Variants in ACACA observed in about 807,000 individuals in gnomAD.
ACACA encodes the protein acetyl-CoA carboxylase alpha, also known as acetyl-CoA carboxylase 1.
A neutral mutation model predicts 296.1 loss-of-function variants in ACACA; 103 were observed. That is an observed-to-expected ratio of 0.35 (90% CI 0.30 to 0.41). The LOEUF (loss-of-function observed/expected upper bound fraction) is 0.41, where lower values mean the gene tolerates loss of function less well. Among genes scored for constraint, ACACA ranks in the 10% least tolerant of loss-of-function variants. ACACA has a pLI of 1.00. For synonymous variants in ACACA, 953 were observed against 1,038.6 expected (o/e 0.92, Z 1.58); for missense variants, 1,554 against 2,989.7 (o/e 0.52, Z 11.20).
Position 37,210,430 on chromosome 17 carries a change from G to T in ACACA, c.3707+37C>A, listed in dbSNP as rs1336381689. On this transcript the variant is annotated intron_variant, in intron 30 of 55. Transcript: ENST00000616317. The stretch of plus-strand genomic sequence containing the variant: ...TTTCACTATTCTAAGTTACATAAAG[G>T]TGCTTTTAATTGGAAAAGAAACTAA... 3 of 1,593,094 alleles carry T rather than the reference G, an allele frequency of 1.9e-6. No individual in the cohort carries two copies. The African/African-American group carries it at 4.0e-5, about 21-fold the overall frequency.
At chr17:37,138,969 AT>A (rs1199760701) in intron 45 of ACACA, among the ~76,000 whole-genome samples, 2 of 151,992 alleles carry the variant, frequency 1.3e-5, no homozygotes, top group South Asian at 4.2e-4. Context: ...GAGTACGGGA[AT>A]TTTTTTACAA....
At chr17:37,156,265 G>A (rs955214379) in intron 42 of ACACA, among the ~76,000 whole-genome samples, 3 of 151,698 alleles carry the variant, frequency 2.0e-5, no homozygotes, top group Non-Finnish European at 4.4e-5. Flanking sequence ...GGGTTTCACC[G>A]TGTTAGCCAG....
chr17:37,102,712 G>T (rs1475933538), intron 52 of ACACA, among the ~76,000 whole-genome samples: 1 of 152,250 alleles, frequency 6.6e-6, no homozygotes, highest in Non-Finnish European at 1.5e-5. Context: ...GAGCAGCTAC[G>T]GGCTGAGGAC....
At chr17:37,326,902 G>A (rs768842411) in intron 3 of ACACA, among the ~76,000 whole-genome samples, 1 of 152,004 alleles carries the variant, frequency 6.6e-6, no homozygotes, top group Non-Finnish European at 1.5e-5. Flanking sequence ...AATACATGAG[G>A]CAAATCATCT....
chr17:37,129,328 G>A, intron 47 of ACACA, 37 bp downstream of exon 47: 1 of 1,613,494 alleles, frequency 6.2e-7, no homozygotes, highest in Non-Finnish European at 8.5e-7. Context: ...AAAAGCTTAA[G>A]AGCCAGGTAC....
At chr17:37,210,355 T>C in intron 30 of ACACA, 112 bp downstream of exon 30, 1 of 979,870 alleles carries the variant, frequency 1.0e-6, no homozygotes, top group Non-Finnish European at 1.6e-6. Flanking sequence ...CAGGACTCCC[T>C]AGCAGATAAC....
intron 45 of ACACA, among the ~76,000 whole-genome samples, chr17:37,134,043 G>A (rs1301497701): frequency 6.6e-6 from 1 of 152,152 alleles, no homozygotes; most frequent in Non-Finnish European, 1.5e-5. Context: ...AGAATTAAGG[G>A]CACCACATAA....
At chr17:37,232,582 T>A (rs1033013585) in intron 25 of ACACA, among the ~76,000 whole-genome samples, 5 of 152,022 alleles carry the variant, frequency 3.3e-5, no homozygotes. Context: ...TAACATCAGA[T>A]CAGAAAAGAG....
chr17:37,266,031 C>T (rs181396814), intron 10 of ACACA, among the ~76,000 whole-genome samples: 4 of 152,148 alleles, frequency 2.6e-5, no homozygotes, highest in African/African-American at 2.4e-5. Context: ...TGGGGTTCAC[C>T]GCTCACCCAA....
chr17:37,182,614 G>A (rs1199796819), intron 39 of ACACA, among the ~76,000 whole-genome samples: 1 of 152,104 alleles, frequency 6.6e-6, no homozygotes, highest in African/African-American at 2.4e-5. Context: ...CACTAAACTA[G>A]GCACTTCATG....
chr17:37,244,705 C>G lies in ACACA; in HGVS notation c.2625G>C (p.Arg875=), dbSNP rs543255708. The G allele has an allele frequency of 1.1e-5, 17 of 1,614,040 alleles. No homozygotes were observed. Among genetic ancestry groups the G allele is most frequent in the Non-Finnish European group, 1.4e-5 (17 of 1,180,034 alleles). The change falls in exon 21 of 56, where the codon CGG becomes CGC. Residue 875 remains arginine (R), a synonymous_variant. Transcript: ENST00000616317. ...CGCCTCTGAGTGCCGTGCTCTGGAT[C>G]CGTGGCAGACTACCTGTGTGAAGTT... ...QAELHTGSLP[R]IQSTALRGEK...
intron 52 of ACACA, among the ~76,000 whole-genome samples, chr17:37,110,739 C>G (rs2142993100): frequency 6.6e-6 from 1 of 152,318 alleles, no homozygotes; most frequent in Middle Eastern, 3.4e-3. Flanking sequence ...AGTTTCACTA[C>G]CTTTTAAAGG....
intron 45 of ACACA, among the ~76,000 whole-genome samples, chr17:37,131,081 T>G (rs1182034532): frequency 6.6e-6 from 1 of 152,018 alleles, no homozygotes; most frequent in Admixed American, 6.6e-5. Context: ...CTTTGTGTGC[T>G]GGGTGCAGGG....
intron 35 of ACACA, among the ~76,000 whole-genome samples, chr17:37,196,122 C>T (rs1347782593): frequency 6.6e-6 from 1 of 152,022 alleles, no homozygotes; most frequent in Non-Finnish European, 1.5e-5. Flanking sequence ...TACTAATAAT[C>T]GTGTTAAAAA....
chr17:37,207,629 G>A lies in ACACA; in HGVS notation c.3851+28C>T, dbSNP rs748173366. 1.6e-5 allele frequency: 26 copies of A among 1,613,370 alleles called. No individual in the cohort carries two copies. In the South Asian group the frequency reaches 2.9e-4, roughly 18 times the overall value. On this transcript the variant is annotated intron_variant, in intron 31 of 55. Transcript: ENST00000616317. ...AACACAGATGTCCATGGCTCCCCTTGTACAGACATAGTTCCACAATGTCTT... is the reference window on the plus strand; with the variant it reads ...AACACAGATGTCCATGGCTCCCCTTATACAGACATAGTTCCACAATGTCTT...
intron 55 of ACACA, among the ~76,000 whole-genome samples, chr17:37,088,319 C>CTA (rs1276946089): frequency 1.3e-5 from 2 of 151,952 alleles, no homozygotes; most frequent in Admixed American, 1.3e-4. Context: ...TATGTAACAC[C>CTA]CTTAAGTAGT....
At chr17:37,273,679 A>G (rs1215928383) in intron 9 of ACACA, among the ~76,000 whole-genome samples, 1 of 152,226 alleles carries the variant, frequency 6.6e-6, no homozygotes, top group African/African-American at 2.4e-5. Flanking sequence ...CCAGTGGGTG[A>G]GTGAGCCTGC....
At chr17:37,135,630 C>T (rs1200105928) in intron 45 of ACACA, among the ~76,000 whole-genome samples, 2 of 152,136 alleles carry the variant, frequency 1.3e-5, no homozygotes, top group African/African-American at 4.8e-5. Flanking sequence ...CACTGGAAGA[C>T]ATCTCTTTAC....
At chr17:37,280,580 T>A (rs916356115) in intron 5 of ACACA, among the ~76,000 whole-genome samples, 4 of 152,138 alleles carry the variant, frequency 2.6e-5, no homozygotes, top group Non-Finnish European at 5.9e-5. Flanking sequence ...ACATGAAGAA[T>A]AATATGGTAT....
Sources: allele counts gnomAD v4.1 joint callset (sites outside exome capture counted in the v4.1 genomes callset), GRCh38; gene constraint gnomAD v4.1.1; transcripts MANE v1.5; gene names NCBI Gene and HGNC (gene_info 2026-07-23, HGNC 2026-07-21).